Variants in TENM2 observed in about 807,000 individuals in gnomAD.
TENM2 encodes the protein teneurin transmembrane protein 2.
Under a neutral mutation model 245.2 loss-of-function variants are expected in TENM2, and 52 were observed. The observed-to-expected ratio is 0.21, with a 90% CI of 0.17 to 0.27. The LOEUF is 0.27. Ranked by LOEUF, TENM2 falls within the 10% of genes least tolerant of loss-of-function variation. The pLI, the probability that TENM2 is intolerant of heterozygous loss-of-function variation, is 1.00. For synonymous variants in TENM2, 1,363 were observed against 1,438.9 expected (o/e 0.95, Z 1.19); for missense variants, 3,046 against 3,666.8 (o/e 0.83, Z 4.37).
At chr5:167,507,696 C>A (rs1037750875) in intron 2 of TENM2, among the ~76,000 whole-genome samples, 1 of 151,886 alleles carries the variant, frequency 6.6e-6, no homozygotes, top group Non-Finnish European at 1.5e-5. Context: ...TTGCAGAGCT[C>A]AATGAAAACT....
intron 13 of TENM2, among the ~76,000 whole-genome samples, chr5:168,182,419 T>A (rs1759991078): frequency 6.6e-6 from 1 of 152,204 alleles, no homozygotes; most frequent in African/African-American, 2.4e-5. Flanking sequence ...ACGCACCTTC[T>A]TAGAGCACCT....
chr5:167,915,889 A>G lies in TENM2; in HGVS notation c.713-36699A>G, dbSNP rs140959298. Among the ~76,000 whole-genome samples the G allele has an allele frequency of 4.0e-3, 607 of 152,344 alleles. 2 individuals carry two copies. Among genetic ancestry groups the G allele is most frequent in the Middle Eastern group, 0.014 (4 of 294 alleles). On this transcript the variant is annotated intron_variant, in intron 3 of 28. Coordinates refer to ENST00000518659, the Ensembl canonical transcript of TENM2. ...ATCTTGTCCATGCAAGTGACATGGT[A>G]TATGAGTGAGAAATGTGGGCAATAG...
At chr5:167,901,703 T>C (rs1331151987) in intron 3 of TENM2, among the ~76,000 whole-genome samples, 1 of 152,230 alleles carries the variant, frequency 6.6e-6, no homozygotes, top group East Asian at 1.9e-4. Context: ...TTTTTAAATA[T>C]TATGCTAGAG....
the TENM2 span, among the ~76,000 whole-genome samples, chr5:167,185,053 T>A: frequency 9.9e-5 from 15 of 152,182 alleles, no homozygotes; most frequent in Non-Finnish European, 1.9e-4. Context: ...TCCTGCTGTG[T>A]GGCCCCTGGG....
intron 5 of TENM2, among the ~76,000 whole-genome samples, chr5:168,004,511 GCGCGCGCA>G (rs1562040649): frequency 2.1e-4 from 16 of 77,288 alleles, no homozygotes; most frequent in African/African-American, 9.4e-4. Context: ...ACGCATGCGC[GCGCGCGCA>G]CACACACACA....
At chr5:167,763,784 T>A (rs1183813510) in intron 2 of TENM2, among the ~76,000 whole-genome samples, 1 of 152,232 alleles carries the variant, frequency 6.6e-6, no homozygotes, top group Non-Finnish European at 1.5e-5. Context: ...GTCTGTTTAC[T>A]TTAATTAAGC....
chr5:167,414,817 G>A (rs1763083400), intron 2 of TENM2, among the ~76,000 whole-genome samples: 1 of 152,050 alleles, frequency 6.6e-6, no homozygotes, highest in African/African-American at 2.4e-5. Flanking sequence ...TCAGGCTTCT[G>A]GGAACGTTGC....
At chr5:167,009,700 T>C in the TENM2 span, among the ~76,000 whole-genome samples, 1 of 152,072 alleles carries the variant, frequency 6.6e-6, no homozygotes, top group Non-Finnish European at 1.5e-5. Context: ...ATTTTTTTTT[T>C]CCCACTGATC....
chr5:167,420,977 T>C (rs1763471887), intron 2 of TENM2, among the ~76,000 whole-genome samples: 1 of 152,166 alleles, frequency 6.6e-6, no homozygotes, highest in Non-Finnish European at 1.5e-5. Flanking sequence ...ACACATACTT[T>C]TGAAGCACAA....
chr5:168,229,492 A>AGAT (rs1468045564), intron 25 of TENM2: 3 of 151,738 alleles, frequency 2.0e-5, no homozygotes, highest in African/African-American at 7.3e-5. Context: ...GGTTGCGGGG[A>AGAT]GATGGGAGAG....
At chr5:167,257,769 A>G in the TENM2 span, among the ~76,000 whole-genome samples, 1 of 152,142 alleles carries the variant, frequency 6.6e-6, no homozygotes, top group Non-Finnish European at 1.5e-5. Flanking sequence ...GTCAGAAGTA[A>G]AATAGAAAAT....
At chr5:167,590,116 A>T (rs1461838008) in intron 2 of TENM2, among the ~76,000 whole-genome samples, 1 of 18,882 alleles carries the variant, frequency 5.3e-5, no homozygotes, top group Non-Finnish European at 1.5e-4. Context: ...CATTTTTCTT[A>T]AAAAAGTCAG....
chr5:167,934,521 T>C (rs962312539), intron 3 of TENM2, among the ~76,000 whole-genome samples: 11 of 152,148 alleles, frequency 7.2e-5, no homozygotes, highest in Non-Finnish European at 1.2e-4. Context: ...AAAGGGTCTG[T>C]TTTCCTCTGG....
chr5:167,361,259 A>C (rs1228023592), intron 1 of TENM2, among the ~76,000 whole-genome samples: 1 of 152,216 alleles, frequency 6.6e-6, no homozygotes, highest in African/African-American at 2.4e-5. Context: ...AATGAGTATC[A>C]CTTGTAATTA....
chr5:167,629,444 T>C (rs1778723596), intron 2 of TENM2, among the ~76,000 whole-genome samples: 1 of 152,210 alleles, frequency 6.6e-6, no homozygotes. Context: ...TCTATAAAAC[T>C]TGTACACTTA....
intron 2 of TENM2, among the ~76,000 whole-genome samples, chr5:167,416,965 T>C (rs1763201990): frequency 6.6e-6 from 1 of 152,212 alleles, no homozygotes; most frequent in Admixed American, 6.6e-5. Flanking sequence ...GTTTTTCTTT[T>C]CTTCTCTTGT....
intron 2 of TENM2, among the ~76,000 whole-genome samples, chr5:167,566,525 T>G (rs1385056163): frequency 6.6e-6 from 1 of 152,194 alleles, no homozygotes; most frequent in Non-Finnish European, 1.5e-5. Flanking sequence ...TTTGTGATTG[T>G]CATGGGTAAG....
At chr5:167,402,565 A>T (rs2127388176) in intron 2 of TENM2, among the ~76,000 whole-genome samples, 1 of 152,262 alleles carries the variant, frequency 6.6e-6, no homozygotes, top group Admixed American at 6.5e-5. Context: ...TGAAGAGATT[A>T]ATGTCTCCCA....
intron 13 of TENM2, among the ~76,000 whole-genome samples, chr5:168,168,734 G>C (rs1017419198): frequency 6.7e-6 from 1 of 149,968 alleles, no homozygotes; most frequent in African/African-American, 2.4e-5. Context: ...TAGGTCCTTT[G>C]TGAATGACTT....
Sources: gnomAD v4.1 joint callset for allele counts (sites outside exome capture counted in the v4.1 genomes callset) on GRCh38, gnomAD v4.1.1 for gene constraint, MANE v1.5 for transcripts, NCBI Gene and HGNC (gene_info 2026-07-23, HGNC 2026-07-21) for gene names.